SLAMF9: variants seen among roughly 807,000 people sequenced by gnomAD.
SLAMF9 encodes CD2 family member 10.
SLAMF9 carries 25 observed loss-of-function variants against 30.4 expected under a neutral mutation model. The observed-to-expected ratio is 0.82, with a 90% CI of 0.60 to 1.15. The LOEUF is 1.15. SLAMF9 is among the 50% of genes most tolerant of loss of function. The probability of loss-of-function intolerance (pLI) is 0.00; values close to 1 mark genes in which losing one functional copy is unlikely to be tolerated. For missense variants in SLAMF9, 344 were observed against 346.1 expected (o/e 0.99, Z 0.05); for synonymous variants, 129 against 127.2 (o/e 1.01, Z -0.09).
Position 159,951,693 on chromosome 1 carries a change from T to C in SLAMF9, c.838A>G (p.Lys280Glu), listed in dbSNP as rs1388348328. 1.9e-6 allele frequency: 3 copies of C among 1,614,202 alleles called. No homozygotes were observed. The highest frequency in any genetic ancestry group is 2.2e-5 in the East Asian group (1 of 44,882). ...KLMRNRMKLR[K>E]EAKPGSSPA is the part of the protein sequence containing the mutation. ...GGGCTGGAGCCAGGCTTTGCCTCCT[T>C]CCTCAATTTCATTCTGTTTCTCATG... Residue 280 changes from lysine (K) to glutamate (E), a missense_variant, in exon 4 of 4, where the codon AAG (lysine) becomes GAG (glutamate). Physicochemically the swap from Lys to Glu is moderately conservative, Grantham distance 56. Transcript: ENST00000368093.
chr1:159,959,556 G>A, the SLAMF9 span, among the ~76,000 whole-genome samples: 1 of 152,080 alleles, frequency 6.6e-6, no homozygotes, highest in African/African-American at 2.4e-5. Flanking sequence ...CCTCATGGGA[G>A]CCCATTACCG....
At chr1:159,972,743 G>C in the SLAMF9 span, 1 of 366,038 alleles carries the variant, frequency 2.7e-6, no homozygotes, top group Non-Finnish European at 4.7e-6. Context: ...GGATTGGAGG[G>C]GAGCCCCTCT....
chr1:159,960,460 TC>T, the SLAMF9 span, among the ~76,000 whole-genome samples: 2 of 130,280 alleles, frequency 1.5e-5, no homozygotes, highest in South Asian at 2.3e-4. Context: ...TCTCTGATGA[TC>T]TTTTTTTTTT....
At chr1:159,961,818 C>T in the SLAMF9 span, among the ~76,000 whole-genome samples, 1 of 152,134 alleles carries the variant, frequency 6.6e-6, no homozygotes. Flanking sequence ...GCAGGCCGCT[C>T]ACTGGGGGCG....
At chr1:159,964,753 T>C in the SLAMF9 span, among the ~76,000 whole-genome samples, 3 of 152,182 alleles carry the variant, frequency 2.0e-5, no homozygotes, top group African/African-American at 7.2e-5. Flanking sequence ...ATTTGAGAAG[T>C]AACAAAACTA....
At chr1:159,967,668 T>A in the SLAMF9 span, among the ~76,000 whole-genome samples, 180 of 152,342 alleles carry the variant, frequency 1.2e-3, 1 homozygote, top group African/African-American at 3.8e-3. Context: ...GAGATTGCCT[T>A]GAATCTGTAG....
the SLAMF9 span, among the ~76,000 whole-genome samples, chr1:159,982,696 C>T: frequency 1.3e-5 from 2 of 152,196 alleles, no homozygotes; most frequent in African/African-American, 4.8e-5. Flanking sequence ...TTAAGTATGT[C>T]TATATGGGTA....
At chr1:159,961,096 G>C in the SLAMF9 span, 2 of 152,178 alleles carry the variant, frequency 1.3e-5, no homozygotes, top group Non-Finnish European at 2.9e-5. Context: ...GCTTTGGAGA[G>C]AGACCAAACT....
chr1:159,952,484 C>A lies in SLAMF9; in HGVS notation c.442G>T (p.Gly148Cys), dbSNP rs1308339344. 7.4e-6 allele frequency: 12 copies of A among 1,613,976 alleles called. No homozygotes were observed. The highest frequency in any genetic ancestry group is 9.3e-6 in the Non-Finnish European group (11 of 1,180,018). ...ITVNFESSGE[G>C]ACSMSLVCSV... Reference sequence around the variant, plus strand: ...CACACCAGGGACATACTGCAGGCACCTTCCCCAGAACTCTCAAAGTTCACA... The same window carrying A: ...CACACCAGGGACATACTGCAGGCACATTCCCCAGAACTCTCAAAGTTCACA... Residue 148 changes from glycine to cysteine, a missense_variant, in exon 3 of 4, where the codon GGT becomes TGT. By Grantham distance (159) the Gly-to-Cys change is radical. Coordinates refer to ENST00000368093, the MANE Select transcript of SLAMF9 (RefSeq NM_033438.4).
At chr1:159,964,565 A>G in the SLAMF9 span, among the ~76,000 whole-genome samples, 1 of 152,304 alleles carries the variant, frequency 6.6e-6, no homozygotes, top group African/African-American at 2.4e-5. Flanking sequence ...GAATCTACGG[A>G]TCTTGTCCAA....
the SLAMF9 span, among the ~76,000 whole-genome samples, chr1:159,972,193 G>A: frequency 1.3e-3 from 202 of 152,250 alleles, no homozygotes; most frequent in African/African-American, 4.8e-3. Flanking sequence ...TGCCCTGTGT[G>A]TGCCTCTAGC....
At chr1:159,978,086 G>T in the SLAMF9 span, among the ~76,000 whole-genome samples, 1 of 152,062 alleles carries the variant, frequency 6.6e-6, no homozygotes, top group African/African-American at 2.4e-5. Flanking sequence ...CCAGGTCATA[G>T]TTCCTATTAA....
the SLAMF9 span, among the ~76,000 whole-genome samples, chr1:159,981,364 C>A: frequency 5.3e-5 from 8 of 152,138 alleles, no homozygotes; most frequent in Non-Finnish European, 8.8e-5. Context: ...AAATTAACTT[C>A]TGTTGTTTAA....
At chr1:159,962,535 C>A in the SLAMF9 span, among the ~76,000 whole-genome samples, 1 of 152,022 alleles carries the variant, frequency 6.6e-6, no homozygotes, top group Non-Finnish European at 1.5e-5. Context: ...CCACCCCACC[C>A]CACACACACC....
At chr1:159,952,223 C>A (rs1469134074) in intron 3 of SLAMF9, 39 bp downstream of exon 3, 1 of 1,608,918 alleles carries the variant, frequency 6.2e-7, no homozygotes, top group Non-Finnish European at 8.5e-7. Flanking sequence ...TAGGCACTAT[C>A]TTTCATGAGC....
Position 159,954,129 on chromosome 1 carries a change from G to T in SLAMF9, c.9C>A (p.Ala3=), listed in dbSNP as rs748162457. The change falls in exon 1 of 4, where the codon GCC becomes GCA. Residue 3 remains alanine, a synonymous_variant. Transcript: ENST00000368093. The part of the protein sequence containing the change: MC[A]FPWLLLLLLL... ...GCAGGAGAAGAAGCAGCCAAGGAAA[G>T]GCACACATGTCAGCAGCCCCCAGCC... 1 of 1,614,120 alleles carries T rather than the reference G, an allele frequency of 6.2e-7. No homozygotes were observed. Among genetic ancestry groups the T allele is most frequent in the Non-Finnish European group, 8.5e-7 (1 of 1,180,002 alleles).
upstream of SLAMF9, among the ~76,000 whole-genome samples, chr1:159,958,615 C>T: frequency 6.6e-6 from 1 of 152,094 alleles, no homozygotes; most frequent in East Asian, 1.9e-4. Context: ...TGAGCACCAC[C>T]ATGCCCAGCT....
chr1:159,958,459 CT>C (rs542456262), upstream of SLAMF9, among the ~76,000 whole-genome samples: 233 of 143,740 alleles, frequency 1.6e-3, no homozygotes, highest in Middle Eastern at 3.7e-3. Context: ...CGTTTCTTCA[CT>C]TTTTTTTTTT....
chr1:159,981,940 A>G, the SLAMF9 span, among the ~76,000 whole-genome samples: 1 of 152,264 alleles, frequency 6.6e-6, no homozygotes, highest in African/African-American at 2.4e-5. Flanking sequence ...CTCCTTTCCC[A>G]GGTGTCTGAC....
Sources: gnomAD v4.1 joint callset for allele counts (sites outside exome capture counted in the v4.1 genomes callset) on GRCh38, gnomAD v4.1.1 for gene constraint, MANE v1.5 for transcripts, NCBI Gene and HGNC (gene_info 2026-07-23, HGNC 2026-07-21) for gene names.